Variants in RASGEF1C observed in about 807,000 individuals in gnomAD.
The protein encoded by RASGEF1C is RasGEF domain family member 1C.
RASGEF1C carries 27 observed loss-of-function variants against 58.1 expected under a neutral mutation model. The observed-to-expected ratio is 0.46, with a 90% confidence interval of 0.34 to 0.64. RASGEF1C has a LOEUF of 0.64. Ranked by LOEUF, RASGEF1C falls within the 30% of genes least tolerant of loss-of-function variation. The probability of loss-of-function intolerance (pLI) is 0.01; values close to 1 mark genes in which losing one functional copy is unlikely to be tolerated. For synonymous variants in RASGEF1C, 243 were observed against 246.3 expected (o/e 0.99, Z 0.13); for missense variants, 502 against 605.1 (o/e 0.83, Z 1.79).
rs186312018 is a variant in RASGEF1C at position 180,198,298 on chromosome 5, G to T, written c.-7+10730C>A. ...AGACACATGTCGGGTGCCCAAGAAG[G>T]GAAGAAAGTGAAGGCATACTGGACG... On this transcript the variant is annotated intron_variant, in intron 1 of 13. Transcript: ENST00000361132. The surrounding 1 kb of genome is among the most constrained non-coding windows in gnomAD (Gnocchi z 4.5). Among the ~76,000 whole-genome samples, 4 of 152,336 alleles carry T rather than the reference G, an allele frequency of 2.6e-5. No homozygotes were observed. The highest frequency in any genetic ancestry group is 2.6e-4 in the Admixed American group (4 of 15,308).
Position 180,102,078 on chromosome 5 carries a change from C to T in RASGEF1C, c.1369G>A (p.Ala457Thr). 6.3e-7 allele frequency: 1 copy of T among 1,593,256 alleles called. No homozygotes were observed. Among genetic ancestry groups the T allele is most frequent in the South Asian group, 1.1e-5 (1 of 90,644 alleles). Residue 457 changes from alanine to threonine, a missense_variant, in exon 13 of 14, where the codon GCT becomes ACT. Transcript: ENST00000361132. ...ENQTEKERWK[A>T]LRSSILGKT ...CTTGGCAGGAAGACTCACCTTAGAG[C>T]TTTCCATCTTTCTTTTTCTGTTTGG...
At chr5:180,165,958 C>T (rs1246067942) in intron 1 of RASGEF1C, among the ~76,000 whole-genome samples, 1 of 151,670 alleles carries the variant, frequency 6.6e-6, no homozygotes, top group Non-Finnish European at 1.5e-5. Flanking sequence ...ACCATGTTAG[C>T]CAGGATGGTC....
chr5:180,161,864 T>C (rs760524377), intron 1 of RASGEF1C, among the ~76,000 whole-genome samples: 20 of 106,136 alleles, frequency 1.9e-4, no homozygotes, highest in Non-Finnish European at 3.5e-4. Flanking sequence ...TCACAGCCCC[T>C]GTCACCGACT....
At chr5:180,164,888 A>G (rs1766995071) in intron 1 of RASGEF1C, among the ~76,000 whole-genome samples, 1 of 151,978 alleles carries the variant, frequency 6.6e-6, no homozygotes, top group Admixed American at 6.6e-5. Flanking sequence ...ATATTTGCGG[A>G]TTTGTCTATT....
At chr5:180,186,275 C>T (rs139240877) in intron 1 of RASGEF1C, among the ~76,000 whole-genome samples, 390 of 152,142 alleles carry the variant, frequency 2.6e-3, no homozygotes, top group African/African-American at 8.8e-3. Flanking sequence ...CCCATATATA[C>T]AAAATCCTAC....
intron 1 of RASGEF1C, among the ~76,000 whole-genome samples, chr5:180,181,484 A>AGTGGG (rs1394147332): frequency 2.0e-5 from 3 of 152,186 alleles, no homozygotes; most frequent in African/African-American, 4.8e-5. Flanking sequence ...AGTGGAGTGG[A>AGTGGG]GTGGGGTGGG....
chr5:180,176,733 T>C (rs1021602891), intron 1 of RASGEF1C, among the ~76,000 whole-genome samples: 1 of 152,022 alleles, frequency 6.6e-6, no homozygotes, highest in Non-Finnish European at 1.5e-5. Flanking sequence ...ATTTTTTGTA[T>C]TTTTAGTAGA....
At chr5:180,103,549 C>A (rs1464526610) in intron 12 of RASGEF1C, among the ~76,000 whole-genome samples, 1 of 152,230 alleles carries the variant, frequency 6.6e-6, no homozygotes, top group Non-Finnish European at 1.5e-5. Flanking sequence ...TTGTATCCTG[C>A]AACCTTGCTG....
chr5:180,117,239 G>A (rs1561732625), intron 10 of RASGEF1C, among the ~76,000 whole-genome samples: 1 of 152,242 alleles, frequency 6.6e-6, no homozygotes, highest in Non-Finnish European at 1.5e-5. Flanking sequence ...GGAAAGGCCA[G>A]CTGGACAGGA....
intron 10 of RASGEF1C, among the ~76,000 whole-genome samples, chr5:180,117,296 A>G (rs1398170250): frequency 6.6e-6 from 1 of 152,238 alleles, no homozygotes; most frequent in Non-Finnish European, 1.5e-5. Context: ...TGGAGGGCCA[A>G]GAAGGCCCGG....
At chr5:180,104,115 T>C (rs190143182) in intron 12 of RASGEF1C, among the ~76,000 whole-genome samples, 1 of 152,340 alleles carries the variant, frequency 6.6e-6, no homozygotes, top group East Asian at 1.9e-4. Flanking sequence ...TCATGAGGGA[T>C]ATTGGCCTGT....
At chr5:180,202,242 G>A (rs1375743582) in intron 1 of RASGEF1C, among the ~76,000 whole-genome samples, 2 of 151,986 alleles carry the variant, frequency 1.3e-5, no homozygotes, top group African/African-American at 2.4e-5. Context: ...AATTCATAGA[G>A]AAAGCAATCT....
At chr5:180,120,049 C>T (rs1223239775) in intron 7 of RASGEF1C, among the ~76,000 whole-genome samples, 1 of 152,122 alleles carries the variant, frequency 6.6e-6, no homozygotes, top group East Asian at 1.9e-4. Flanking sequence ...CTCTCGCCTG[C>T]AGCCAGCGGC....
At chr5:180,120,033 T>C (rs1766142065) in intron 7 of RASGEF1C, among the ~76,000 whole-genome samples, 1 of 152,046 alleles carries the variant, frequency 6.6e-6, no homozygotes, top group Non-Finnish European at 1.5e-5. Flanking sequence ...TCGCCCAGGC[T>C]CGGCCCTCTC....
At chr5:180,106,157 A>T (rs1300916754) in intron 12 of RASGEF1C, among the ~76,000 whole-genome samples, 1 of 152,214 alleles carries the variant, frequency 6.6e-6, no homozygotes, top group East Asian at 1.9e-4. Flanking sequence ...ATAAGGGGGG[A>T]CTACTGTATC....
At chr5:180,134,122 C>T (rs561713181) in intron 4 of RASGEF1C, among the ~76,000 whole-genome samples, 7 of 152,286 alleles carry the variant, frequency 4.6e-5, no homozygotes, top group South Asian at 2.1e-4. Context: ...AACCATTCTG[C>T]GCCAGGAGGG....
intron 4 of RASGEF1C, among the ~76,000 whole-genome samples, chr5:180,136,052 A>G (rs1766466122): frequency 6.6e-6 from 1 of 152,190 alleles, no homozygotes; most frequent in Non-Finnish European, 1.5e-5. Context: ...TCCGTGGCCA[A>G]GGCCCAGGAC....
intron 1 of RASGEF1C, among the ~76,000 whole-genome samples, chr5:180,176,583 G>A (rs1767228256): frequency 1.3e-5 from 2 of 148,602 alleles, no homozygotes; most frequent in East Asian, 4.0e-4. Flanking sequence ...TTGAGATGGA[G>A]TCTTGCTCTG....
At chr5:180,119,923 CG>C (rs1766138979) in intron 7 of RASGEF1C, among the ~76,000 whole-genome samples, 3 of 152,186 alleles carry the variant, frequency 2.0e-5, no homozygotes, top group Admixed American at 6.5e-5. Flanking sequence ...TGTGGCCAGG[CG>C]CTCGGGACTT....
Sources: gnomAD v4.1 joint callset for allele counts (sites outside exome capture counted in the v4.1 genomes callset) on GRCh38, gnomAD v4.1.1 for gene constraint, Gnocchi (gnomAD v3.1) non-coding constraint, MANE v1.5 for transcripts, NCBI Gene and HGNC (gene_info 2026-07-23, HGNC 2026-07-21) for gene names.